The following NOVA1 variants were observed in gnomAD, a reference collection of about 807,000 sequenced individuals.
The protein encoded by NOVA1 is NOVA alternative splicing regulator 1, also known as RNA-binding protein Nova-1.
NOVA1 carries 7 observed loss-of-function variants against 38.0 expected under a neutral mutation model. The ratio of observed to expected loss-of-function variants is 0.18; its 90% CI spans 0.10 to 0.35. NOVA1 has a LOEUF of 0.35. NOVA1 is among the 10% of genes least tolerant of loss of function. NOVA1 has a pLI of 1.00. For synonymous variants in NOVA1, 270 were observed against 232.5 expected (o/e 1.16, Z -1.47); for missense variants, 460 against 616.0 (o/e 0.75, Z 2.68).
At chr14:26,511,937 T>G (rs1308182111) in intron 2 of NOVA1, among the ~76,000 whole-genome samples, 1 of 152,124 alleles carries the variant, frequency 6.6e-6, no homozygotes, top group African/African-American at 2.4e-5. Flanking sequence ...TCTGAACATT[T>G]AGTACAATAA....
intron 2 of NOVA1, among the ~76,000 whole-genome samples, chr14:26,576,305 T>A (rs1892838281): frequency 6.6e-6 from 1 of 151,722 alleles, no homozygotes; most frequent in Non-Finnish European, 1.5e-5. Flanking sequence ...TATTACTGTA[T>A]ATACTTAAGG....
intron 4 of NOVA1, among the ~76,000 whole-genome samples, chr14:26,449,580 A>C (rs1447430548): frequency 1.3e-5 from 2 of 152,152 alleles, no homozygotes; most frequent in Non-Finnish European, 2.9e-5. Flanking sequence ...TCACATATGA[A>C]ATATAACTTC....
At position 26,443,447 on chromosome 14, in the gene NOVA1, AGTTT is replaced by A. The variant is rs1881841651; in HGVS notation, c.*4508_*4511del. On this transcript the variant is annotated 3_prime_UTR_variant, in exon 5 of 5. Coordinates refer to ENST00000539517, the MANE Select transcript of NOVA1 (RefSeq NM_002515.3). ...AGGTAATGCTTCAATTTTCAAGAAC[AGTTT>A]TTTTTGTTTATATAGACCAGTGGAA... The A allele has an allele frequency of 6.6e-6, 1 of 151,988 alleles. No homozygotes were observed. The highest frequency in any genetic ancestry group is 2.1e-4 in the South Asian group (1 of 4,822). 9.4% of individuals were successfully genotyped at this position (151,988 alleles called of 1,614,324 possible).
chr14:26,503,392 T>A (rs1334992658), intron 2 of NOVA1, among the ~76,000 whole-genome samples: 1 of 151,974 alleles, frequency 6.6e-6, no homozygotes, highest in Non-Finnish European at 1.5e-5. Flanking sequence ...AAAAGACTAA[T>A]GTAATCATCC....
chr14:26,536,063 T>C (rs1473427620), intron 2 of NOVA1, among the ~76,000 whole-genome samples: 1 of 151,854 alleles, frequency 6.6e-6, no homozygotes, highest in Non-Finnish European at 1.5e-5. Flanking sequence ...TGCAGTAACA[T>C]GGCTGGAACT....
At chr14:26,499,145 C>G (rs1887065545) in intron 2 of NOVA1, among the ~76,000 whole-genome samples, 1 of 152,110 alleles carries the variant, frequency 6.6e-6, no homozygotes. Context: ...GTTTTCAGGA[C>G]TTTTGCTAAA....
chr14:26,579,595 C>T (rs957903119), intron 2 of NOVA1, among the ~76,000 whole-genome samples: 3 of 151,924 alleles, frequency 2.0e-5, no homozygotes, highest in Non-Finnish European at 4.4e-5. Flanking sequence ...ATTTAATTTA[C>T]TATATGAAGT....
In NOVA1 at chr14:26,597,379, G is replaced by A; in HGVS notation, c.58C>T (p.Leu20=). ...NGTHTGVPID[L]DPPDSRKRPL... The stretch of plus-strand genomic sequence containing the variant: ...CTTTTCCGCGAGTCCGGCGGGTCCA[G>A]GTCTATGGGAACCCCAGTGTGGGTC... The change falls in exon 1 of 5, where the codon CTG becomes TTG. Residue 20 remains leucine (L), a synonymous_variant. Coordinates refer to ENST00000539517, the MANE Select transcript of NOVA1 (RefSeq NM_002515.3). 1.6e-6 allele frequency: 2 copies of A among 1,275,242 alleles called. No individual in the cohort carries two copies. Among genetic ancestry groups the A allele is most frequent in the Non-Finnish European group, 2.0e-6 (2 of 1,002,550 alleles). 79.0% of individuals were successfully genotyped at this position (1,275,242 alleles called of 1,614,324 possible). A position where few individuals can be genotyped will look rare whatever the true frequency, so the allele number is the denominator to read the frequency against.
intron 2 of NOVA1, among the ~76,000 whole-genome samples, chr14:26,496,930 T>G (rs1455488896): frequency 6.6e-6 from 1 of 152,222 alleles, no homozygotes; most frequent in Non-Finnish European, 1.5e-5. Flanking sequence ...GGTAGCGTGA[T>G]GCCTCCAGCT....
chr14:26,584,376 A>G (rs1039679660), intron 2 of NOVA1, among the ~76,000 whole-genome samples: 3 of 151,512 alleles, frequency 2.0e-5, no homozygotes, highest in African/African-American at 7.3e-5. Context: ...GCCAGACTAT[A>G]AGTGTCACTA....
At chr14:26,452,566 A>T (rs1882792526) in intron 4 of NOVA1, among the ~76,000 whole-genome samples, 2 of 152,358 alleles carry the variant, frequency 1.3e-5, no homozygotes, top group Non-Finnish European at 2.9e-5. Context: ...AACGACAAAT[A>T]GCAAATTCTA....
chr14:26,469,093 G>T (rs942605693), intron 4 of NOVA1, among the ~76,000 whole-genome samples: 1 of 152,034 alleles, frequency 6.6e-6, no homozygotes, highest in Non-Finnish European at 1.5e-5. Context: ...TGATCTATTT[G>T]CTATATCTTT....
chr14:26,571,267 A>G (rs2138720860), intron 2 of NOVA1, among the ~76,000 whole-genome samples: 1 of 152,242 alleles, frequency 6.6e-6, no homozygotes, highest in Middle Eastern at 3.4e-3. Context: ...AACTGAAAAA[A>G]AATTGAGGCC....
intron 4 of NOVA1, chr14:26,470,579 T>A (rs1424867191): frequency 1.0e-6 from 1 of 955,058 alleles, no homozygotes; most frequent in African/African-American, 1.6e-5. Context: ...TGACTTATTA[T>A]TTCAAAATAG....
At chr14:26,456,859 T>C (rs1883222088) in intron 4 of NOVA1, among the ~76,000 whole-genome samples, 1 of 151,876 alleles carries the variant, frequency 6.6e-6, no homozygotes, top group African/African-American at 2.4e-5. Context: ...AAATGTCATA[T>C]ACAAAGGACA....
intron 2 of NOVA1, among the ~76,000 whole-genome samples, chr14:26,523,424 C>T (rs1301506819): frequency 6.6e-6 from 1 of 152,200 alleles, no homozygotes; most frequent in African/African-American, 2.4e-5. Context: ...TAGAAGCTCA[C>T]ATTCTCTTCT....
At chr14:26,561,091 T>C (rs1297665201) in intron 2 of NOVA1, among the ~76,000 whole-genome samples, 2 of 152,162 alleles carry the variant, frequency 1.3e-5, no homozygotes, top group Non-Finnish European at 2.9e-5. Context: ...GCTCAGTTCA[T>C]GATAGGGTTT....
chr14:26,481,256 A>G (rs1885429934), intron 2 of NOVA1, among the ~76,000 whole-genome samples: 1 of 152,050 alleles, frequency 6.6e-6, no homozygotes, highest in Non-Finnish European at 1.5e-5. Flanking sequence ...AAATATTTTC[A>G]ATTACCTAAC....
Position 26,543,754 on chromosome 14 carries a change from T to C in NOVA1, c.280+51656A>G, listed in dbSNP as rs114701398. Among the ~76,000 whole-genome samples the C allele has an allele frequency of 3.9e-3, 587 of 152,090 alleles. 3 individuals carry two copies. Among genetic ancestry groups the C allele is most frequent in the African/African-American group, 0.014 (562 of 41,540 alleles). On this transcript the variant is annotated intron_variant, in intron 2 of 4. Transcript: ENST00000539517. The stretch of plus-strand genomic sequence containing the variant: ...GTGTAACAGGATATTAAAATGAGAA[T>C]TTTCTTGTTGTCTCAGTTTCAGCCA...
Sources: allele counts gnomAD v4.1 joint callset (sites outside exome capture counted in the v4.1 genomes callset), GRCh38; gene constraint gnomAD v4.1.1; transcripts MANE v1.5; gene names NCBI Gene and HGNC (gene_info 2026-07-23, HGNC 2026-07-21).